The following LRP1B variants were observed in gnomAD, a reference collection of about 807,000 sequenced individuals.
LRP1B encodes low-density lipoprotein receptor-related protein 1B.
A neutral mutation model predicts 556.6 loss-of-function variants in LRP1B; 217 were observed. The ratio of observed to expected loss-of-function variants is 0.39; its 90% CI spans 0.35 to 0.44. The LOEUF (loss-of-function observed/expected upper bound fraction) is 0.44, where lower values mean the gene tolerates loss of function less well. LRP1B is among the 20% of genes least tolerant of loss of function. The pLI is 1.00. For synonymous variants in LRP1B, 2,047 were observed against 1,865.8 expected (o/e 1.10, Z -2.50); for missense variants, 5,053 against 5,620.8 (o/e 0.90, Z 3.23).
intron 87 of LRP1B, 29 bp from the exon 88 acceptor site, chr2:140,239,561 GAAAT>G (rs1450155268): frequency 1.4e-6 from 2 of 1,418,708 alleles, no homozygotes; most frequent in African/African-American, 2.9e-5. Flanking sequence ...AATAGATGAA[GAAAT>G]AAATAAAATG....
At position 140,606,972 on chromosome 2, in the gene LRP1B, A is replaced by G. The variant is rs190600113; in HGVS notation, c.6800-5333T>C. 1.3e-3 allele frequency among the ~76,000 whole-genome samples: 193 copies of G among 152,172 alleles called. 1 individual carries two copies. Among genetic ancestry groups the G allele is most frequent in the Non-Finnish European group, 2.5e-3 (171 of 67,940 alleles). On this transcript the variant is annotated intron_variant, in intron 41 of 90. Coordinates refer to ENST00000389484, the MANE Select transcript of LRP1B (RefSeq NM_018557.3). ...ATGTTAGATCTCATCAAAATGAAAA[A>G]CTTGTATGCTTCAAAAGACAAAAAG...
intron 1 of LRP1B, among the ~76,000 whole-genome samples, chr2:141,987,568 CTTT>C (rs1702231111): frequency 9.5e-6 from 1 of 105,426 alleles, no homozygotes; most frequent in African/African-American, 3.4e-5. Context: ...TTTTTTCTTT[CTTT>C]TTTCTTTTTC....
At chr2:141,599,851 C>A (rs1687664661) in intron 2 of LRP1B, among the ~76,000 whole-genome samples, 3 of 152,226 alleles carry the variant, frequency 2.0e-5, no homozygotes, top group Admixed American at 2.0e-4. Flanking sequence ...AACCCATATG[C>A]CTACACATGT....
chr2:141,648,231 C>A (rs373417289), intron 2 of LRP1B, among the ~76,000 whole-genome samples: 10 of 152,192 alleles, frequency 6.6e-5, no homozygotes, highest in African/African-American at 2.2e-4. Context: ...TGACTGAACT[C>A]CACCATTAAT....
At chr2:141,093,530 G>C (rs916149664) in intron 7 of LRP1B, among the ~76,000 whole-genome samples, 1 of 152,130 alleles carries the variant, frequency 6.6e-6, no homozygotes. Flanking sequence ...ACACTGTTGT[G>C]TTTTGCTTGC....
intron 84 of LRP1B, among the ~76,000 whole-genome samples, chr2:140,276,664 T>C (rs1031182126): frequency 8.6e-5 from 13 of 152,010 alleles, no homozygotes; most frequent in Non-Finnish European, 1.5e-4. Flanking sequence ...CTTTTAATAT[T>C]GTCCCCAACT....
intron 10 of LRP1B, among the ~76,000 whole-genome samples, chr2:141,054,028 C>G (rs1243653564): frequency 6.6e-6 from 1 of 151,872 alleles, no homozygotes; most frequent in Non-Finnish European, 1.5e-5. Flanking sequence ...AATACAAAAT[C>G]AGGAATACAA....
At chr2:140,428,101 G>A (rs1446948029) in intron 66 of LRP1B, among the ~76,000 whole-genome samples, 3 of 151,964 alleles carry the variant, frequency 2.0e-5, no homozygotes, top group Non-Finnish European at 4.4e-5. Context: ...ATGCTTTACA[G>A]CCCTAGACCC....
chr2:141,604,556 C>T (rs1687850409), intron 2 of LRP1B, among the ~76,000 whole-genome samples: 1 of 152,122 alleles, frequency 6.6e-6, no homozygotes, highest in South Asian at 2.1e-4. Context: ...CCATTTGGTA[C>T]ATTTTCTTCT....
intron 47 of LRP1B, among the ~76,000 whole-genome samples, chr2:140,532,094 T>A (rs1690721045): frequency 6.6e-6 from 1 of 152,104 alleles, no homozygotes; most frequent in South Asian, 2.1e-4. Context: ...TCTACATGCC[T>A]GTGAAACAGC....
At chr2:141,196,178 T>C (rs908028945) in intron 6 of LRP1B, among the ~76,000 whole-genome samples, 2 of 152,062 alleles carry the variant, frequency 1.3e-5, no homozygotes, top group Non-Finnish European at 1.5e-5. Flanking sequence ...ACAGTAAATG[T>C]GCATGATTTA....
At chr2:140,702,078 G>A (rs2105427690) in intron 39 of LRP1B, 63 bp downstream of exon 39, 6 of 1,561,008 alleles carry the variant, frequency 3.8e-6, no homozygotes, top group Non-Finnish European at 5.2e-6. Flanking sequence ...ATCCTACAAG[G>A]GTAAAGCAAC....
At chr2:140,683,757 C>G (rs984586617) in intron 41 of LRP1B, 1 of 962,966 alleles carries the variant, frequency 1.0e-6, no homozygotes, top group Non-Finnish European at 1.6e-6. Flanking sequence ...CCTTCTCAGT[C>G]TCTCTCTCCT....
chr2:140,238,125 A>G, intron 89 of LRP1B, 27 bp downstream of exon 89: 1 of 1,562,038 alleles, frequency 6.4e-7, no homozygotes, highest in Non-Finnish European at 8.7e-7. Flanking sequence ...GTTAGTGCTC[A>G]CTGCCCATTA....
At chr2:141,668,287 G>C (rs1415606334) in intron 2 of LRP1B, among the ~76,000 whole-genome samples, 1 of 152,064 alleles carries the variant, frequency 6.6e-6, no homozygotes, top group African/African-American at 2.4e-5. Context: ...GGGAAATACT[G>C]GGTAGAGGAT....
chr2:140,553,163 G>T (rs1680607577), intron 43 of LRP1B, among the ~76,000 whole-genome samples: 1 of 152,042 alleles, frequency 6.6e-6, no homozygotes, highest in Admixed American at 6.6e-5. Context: ...CTTGGTCCCT[G>T]CCATGGCTGG....
chr2:141,076,156 A>C (rs1483854075), intron 7 of LRP1B, among the ~76,000 whole-genome samples: 1 of 152,198 alleles, frequency 6.6e-6, no homozygotes. Context: ...GCAGGAATGC[A>C]GTATCAACCT....
At chr2:140,496,615 G>T (rs984280048) in intron 55 of LRP1B, among the ~76,000 whole-genome samples, 2 of 151,942 alleles carry the variant, frequency 1.3e-5, no homozygotes, top group African/African-American at 2.4e-5. Context: ...ATTATGCCAC[G>T]TGTATTTTTT....
chr2:142,011,893 GAGA>G (rs1273775449), intron 1 of LRP1B, among the ~76,000 whole-genome samples: 2 of 151,946 alleles, frequency 1.3e-5, no homozygotes, highest in African/African-American at 4.8e-5. Context: ...TCTGTCAGTG[GAGA>G]AGGTCATAAT....
Sources: allele counts gnomAD v4.1 joint callset (sites outside exome capture counted in the v4.1 genomes callset), GRCh38; gene constraint gnomAD v4.1.1; transcripts MANE v1.5; gene names NCBI Gene and HGNC (gene_info 2026-07-23, HGNC 2026-07-21).